The following PID1 variants were observed in gnomAD, a reference collection of about 807,000 sequenced individuals.
PID1 encodes phosphotyrosine interaction domain containing 1.
Under a neutral mutation model 19.1 loss-of-function variants are expected in PID1, and 10 were observed. That is an observed-to-expected ratio of 0.52 (90% confidence interval 0.32 to 0.89). PID1 has a LOEUF of 0.89. PID1 is among the 40% of genes least tolerant of loss of function. The pLI is 0.03. For synonymous variants in PID1, 130 were observed against 116.0 expected (o/e 1.12, Z -0.78); for missense variants, 248 against 285.3 (o/e 0.87, Z 0.94).
In PID1 at chr2:229,097,151, C is replaced by T. The variant is rs73998545; in HGVS notation, c.177+58667G>A. Among the ~76,000 whole-genome samples the T allele has an allele frequency of 8.1e-3, 1,235 of 152,214 alleles. 12 individuals are homozygous for T. The highest frequency in any genetic ancestry group is 0.028 in the African/African-American group (1,144 of 41,554). ...ATTATGAAAATGAAGTTCTACTGAC[C>T]TCATGTGTGAAATCACTTTAAGCTG... On this transcript the variant is annotated intron_variant, in intron 2 of 2. Coordinates refer to ENST00000392055, the MANE Select transcript of PID1 (RefSeq NM_001100818.2).
intron 2 of PID1, among the ~76,000 whole-genome samples, chr2:229,063,686 C>G (rs1390078519): frequency 6.6e-6 from 1 of 152,018 alleles, no homozygotes; most frequent in African/African-American, 2.4e-5. Flanking sequence ...TGTTGATTTT[C>G]TGTCTGGATG....
In PID1 at chr2:229,026,086, G is replaced by A. The variant is rs1693416346; in HGVS notation, c.200C>T (p.Ser67Phe). ...GCKVTYLGKV[S>F]TTGMQFLSGC... ...TGACAAAAACTGCATGCCAGTGGTG[G>A]AGACTTTGCCCAGGTAGGTAACCTG... The change falls in exon 3 of 3, where the codon TCC (serine) becomes TTC (phenylalanine). Residue 67 changes from serine (S) to phenylalanine (F), a missense_variant. By Grantham distance (155) the Ser-to-Phe change is radical. Transcript: ENST00000392055. 16 of 1,613,874 alleles carry A rather than the reference G, an allele frequency of 9.9e-6. No homozygotes were observed. Among genetic ancestry groups the A allele is most frequent in the Non-Finnish European group, 1.3e-5 (15 of 1,179,786 alleles).
At chr2:229,068,719 C>T (rs1457734470) in intron 2 of PID1, among the ~76,000 whole-genome samples, 1 of 152,160 alleles carries the variant, frequency 6.6e-6, no homozygotes, top group Non-Finnish European at 1.5e-5. Flanking sequence ...GTTCCATGGA[C>T]ACAGGAAGCC....
intron 1 of PID1, among the ~76,000 whole-genome samples, chr2:229,199,445 C>A (rs1020040180): frequency 2.6e-5 from 4 of 151,980 alleles, no homozygotes; most frequent in African/African-American, 9.7e-5. Flanking sequence ...GGATGGGTAC[C>A]ATTGTTCTAG....
intron 2 of PID1, among the ~76,000 whole-genome samples, chr2:229,145,235 C>T (rs73998572): frequency 0.14 from 20,140 of 145,242 alleles, 1,658 homozygotes; most frequent in East Asian, 0.29. Context: ...ATTTAAGTAT[C>T]ATATTTGTAT....
At chr2:229,141,640 TG>T (rs1227200075) in intron 2 of PID1, among the ~76,000 whole-genome samples, 1 of 127,460 alleles carries the variant, frequency 7.8e-6, no homozygotes, top group East Asian at 2.5e-4. Context: ...CATCAATCAA[TG>T]TGGGGGGGGA....
intron 2 of PID1, among the ~76,000 whole-genome samples, chr2:229,097,448 T>C (rs575182748): frequency 1.6e-4 from 24 of 152,344 alleles, no homozygotes; most frequent in African/African-American, 5.5e-4. Context: ...GGAGGGAAAC[T>C]ATATTCCTTT....
In PID1 at chr2:229,203,226, TA is replaced by T. The variant is rs1356803735; in HGVS notation, c.31-47263del. On this transcript the variant is annotated intron_variant, in intron 1 of 2. Coordinates refer to ENST00000392055, the MANE Select transcript of PID1 (RefSeq NM_001100818.2). ...ACATTCCTGATATAGACGGTAGGGC[TA>T]CAAAGTAATAGGATCAGTGTTCAGC... Among the ~76,000 whole-genome samples, 6 of 152,112 alleles carry T rather than the reference TA, an allele frequency of 3.9e-5. No individual in the cohort carries two copies. In the East Asian group the frequency reaches 1.2e-3, roughly 29 times the overall value.
intron 1 of PID1, among the ~76,000 whole-genome samples, chr2:229,237,516 G>GA (rs907161405): frequency 9.3e-4 from 139 of 150,070 alleles, no homozygotes; most frequent in African/African-American, 2.8e-3. Flanking sequence ...TTGTACAACA[G>GA]AAAAAAAAAG....
chr2:229,188,723 G>T (rs1691187747), intron 1 of PID1, among the ~76,000 whole-genome samples: 1 of 115,902 alleles, frequency 8.6e-6, no homozygotes, highest in Non-Finnish European at 1.7e-5. Context: ...TGGGCAACAA[G>T]AGCGAAACTC....
intron 1 of PID1, among the ~76,000 whole-genome samples, chr2:229,164,211 T>TA (rs1690553242): frequency 6.6e-6 from 1 of 152,150 alleles, no homozygotes; most frequent in African/African-American, 2.4e-5. Context: ...TCCCATACAT[T>TA]ACTTGCTTGT....
chr2:229,066,616 G>C (rs1452831146), intron 2 of PID1, among the ~76,000 whole-genome samples: 1 of 151,974 alleles, frequency 6.6e-6, no homozygotes, highest in Non-Finnish European at 1.5e-5. Context: ...TACTTGGGCT[G>C]GATTTGAAAA....
chr2:229,267,507 G>A (rs1690620506), intron 1 of PID1, among the ~76,000 whole-genome samples: 1 of 152,136 alleles, frequency 6.6e-6, no homozygotes, highest in African/African-American at 2.4e-5. Context: ...GAACTCATAC[G>A]CCTATCACAT....
chr2:229,063,840 T>C (rs560560451), intron 2 of PID1, among the ~76,000 whole-genome samples: 2 of 152,264 alleles, frequency 1.3e-5, no homozygotes, highest in East Asian at 3.9e-4. Context: ...ACAATTGTTA[T>C]ATATTCTTGG....
chr2:229,132,019 G>A (rs1004945077), intron 2 of PID1, among the ~76,000 whole-genome samples: 3 of 152,038 alleles, frequency 2.0e-5, no homozygotes, highest in South Asian at 2.1e-4. Context: ...TATAGTTCTC[G>A]CATCTGGTTT....
intron 2 of PID1, among the ~76,000 whole-genome samples, chr2:229,133,407 T>C (rs766899678): frequency 6.6e-6 from 1 of 152,250 alleles, no homozygotes; most frequent in African/African-American, 2.4e-5. Context: ...GTAGTCCTCC[T>C]ACGGCAATCA....
In PID1 at chr2:229,111,368, C is replaced by T. The variant is rs1041229718; in HGVS notation, c.177+44450G>A. On this transcript the variant is annotated intron_variant, in intron 2 of 2. Transcript: ENST00000392055. ...TCCAAATAAAAGTACTGAGGAATGT[C>T]CTGTACATCTACATTATAACTATTA... Among the ~76,000 whole-genome samples, 6 of 152,124 alleles carry T rather than the reference C, an allele frequency of 3.9e-5. No homozygotes were observed. The East Asian group carries it at 9.6e-4, about 24-fold the overall frequency.
At chr2:229,077,336 C>T (rs1694578419) in intron 2 of PID1, among the ~76,000 whole-genome samples, 2 of 152,118 alleles carry the variant, frequency 1.3e-5, no homozygotes, top group Admixed American at 1.3e-4. Flanking sequence ...CTGTAGGCTG[C>T]CTGTTCACTC....
intron 2 of PID1, among the ~76,000 whole-genome samples, chr2:229,080,968 T>C (rs961559446): frequency 6.6e-6 from 1 of 152,216 alleles, no homozygotes; most frequent in Non-Finnish European, 1.5e-5. Context: ...AGCCTCAAAC[T>C]GGAACCACCC....
Sources: gnomAD v4.1 joint callset for allele counts (sites outside exome capture counted in the v4.1 genomes callset) on GRCh38, gnomAD v4.1.1 for gene constraint, MANE v1.5 for transcripts, NCBI Gene and HGNC (gene_info 2026-07-23, HGNC 2026-07-21) for gene names.